ALK: variants seen among roughly 807,000 people sequenced by gnomAD.
ALK encodes ALK tyrosine kinase receptor.
In ALK, 74 loss-of-function variants were observed where a neutral mutation model predicts 163.1. That is an observed-to-expected ratio of 0.45 (90% confidence interval 0.38 to 0.55). The LOEUF (loss-of-function observed/expected upper bound fraction) is 0.55. ALK is among the 20% of genes least tolerant of loss of function. The pLI is 0.00. For synonymous variants in ALK, 960 were observed against 843.2 expected (o/e 1.14, Z -2.40); for missense variants, 2,063 against 2,105.3 (o/e 0.98, Z 0.39).
At chr2:29,698,703 G>C (rs1317568237) in intron 2 of ALK, among the ~76,000 whole-genome samples, 4 of 152,200 alleles carry the variant, frequency 2.6e-5, no homozygotes, top group Non-Finnish European at 5.9e-5. Flanking sequence ...GAGAGTTTAA[G>C]TGTGATAATT....
intron 3 of ALK, among the ~76,000 whole-genome samples, chr2:29,589,733 T>A (rs1362088003): frequency 6.6e-6 from 1 of 152,188 alleles, no homozygotes; most frequent in African/African-American, 2.4e-5. Flanking sequence ...AGTTACACTA[T>A]CCCCATTTTA....
chr2:29,679,793 T>C (rs1039257547), intron 3 of ALK, among the ~76,000 whole-genome samples: 2 of 152,002 alleles, frequency 1.3e-5, no homozygotes, highest in Non-Finnish European at 2.9e-5. Context: ...GTACTCTTCA[T>C]TTCTCCCCGT....
intron 4 of ALK, among the ~76,000 whole-genome samples, chr2:29,402,348 G>A (rs1035116262): frequency 2.6e-5 from 4 of 152,222 alleles, no homozygotes; most frequent in Non-Finnish European, 5.9e-5. Flanking sequence ...GGCCCAGCGT[G>A]AGCAGATGCT....
intron 3 of ALK, among the ~76,000 whole-genome samples, chr2:29,611,242 GGGACA>G (rs1487422736): frequency 6.6e-6 from 1 of 152,140 alleles, no homozygotes; most frequent in Non-Finnish European, 1.5e-5. Context: ...TGGATGGTGT[GGGACA>G]GCACAAAGGG....
In ALK at chr2:29,920,290, A is replaced by G. The variant is rs1364916594; in HGVS notation, c.370T>C (p.Ser124Pro). 2 of 1,574,364 alleles carry G rather than the reference A, an allele frequency of 1.3e-6. No individual in the cohort carries two copies. Reference sequence around the variant, plus strand: ...ACGGAGCCGCCCTTCAGCACCCTGGACAGCGTCCGGGCCTCTGCCGGGGCT... The same window carrying G: ...ACGGAGCCGCCCTTCAGCACCCTGGGCAGCGTCCGGGCCTCTGCCGGGGCT... ...SPAPAEARTL[S>P]RVLKGGSVRK... The change falls in exon 1 of 29, where the codon TCC (serine) becomes CCC (proline). Residue 124 changes from serine to proline, a missense_variant. Physicochemically the swap from Ser to Pro is moderately conservative, Grantham distance 74. This residue lies in a region of ALK where 987 missense variants were observed against 939.5 expected (regional missense o/e 1.05). Transcript: ENST00000389048.
intron 4 of ALK, among the ~76,000 whole-genome samples, chr2:29,522,680 T>A (rs1468249791): frequency 6.6e-6 from 1 of 151,948 alleles, no homozygotes; most frequent in Non-Finnish European, 1.5e-5. Flanking sequence ...GTTTTTGTAG[T>A]GGAAAAGGGG....
At chr2:29,571,617 T>C in intron 3 of ALK, among the ~76,000 whole-genome samples, 1 of 71,204 alleles carries the variant, frequency 1.4e-5, no homozygotes. Context: ...TTTTTTTTTT[T>C]TTTTTTTTTT....
At chr2:29,226,478 CAAAAA>C (rs3028223) in intron 18 of ALK, among the ~76,000 whole-genome samples, 2,747 of 84,912 alleles carry the variant, frequency 0.032, 88 homozygotes, top group African/African-American at 0.11. Flanking sequence ...AACTCCGCCT[CAAAAA>C]AAAAAAAAAA....
At chr2:29,908,309 C>T (rs1667605901) in intron 1 of ALK, among the ~76,000 whole-genome samples, 1 of 139,538 alleles carries the variant, frequency 7.2e-6, no homozygotes, top group Non-Finnish European at 1.6e-5. Flanking sequence ...CACACACACA[C>T]ATTGTCTATC....
intron 1 of ALK, among the ~76,000 whole-genome samples, chr2:29,912,817 T>C (rs1474743214): frequency 6.6e-6 from 1 of 152,178 alleles, no homozygotes; most frequent in Admixed American, 6.5e-5. Flanking sequence ...CCTAATCTAG[T>C]GTTCTCCTCA....
chr2:29,705,797 T>G (rs1281764056), intron 2 of ALK, among the ~76,000 whole-genome samples: 6 of 152,236 alleles, frequency 3.9e-5, no homozygotes, highest in Non-Finnish European at 8.8e-5. Context: ...GCATGGTGAC[T>G]TGCACACAAT....
chr2:29,400,747 G>A (rs143056730), intron 4 of ALK, among the ~76,000 whole-genome samples: 53 of 152,234 alleles, frequency 3.5e-4, no homozygotes, highest in African/African-American at 1.3e-3. Flanking sequence ...TGCTGAGATC[G>A]GCAGATCATC....
chr2:29,243,411 A>G (rs903834733), intron 12 of ALK, among the ~76,000 whole-genome samples: 1 of 152,218 alleles, frequency 6.6e-6, no homozygotes, highest in Non-Finnish European at 1.5e-5. Context: ...GAAGGCTGTT[A>G]TGATAATTAA....
In ALK at chr2:29,494,385, T is replaced by C. The variant is rs554911815; in HGVS notation, c.1154+37530A>G. Among the ~76,000 whole-genome samples, 4 of 152,244 alleles carry C rather than the reference T, an allele frequency of 2.6e-5. No homozygotes were observed. In the East Asian group the frequency reaches 5.8e-4, roughly 22 times the overall value. On this transcript the variant is annotated intron_variant, in intron 4 of 28. Transcript: ENST00000389048. ...GGAGAAATCTGGGATGAGAGGCAGA[T>C]GCTAACACTACAGAGAGCTTGGTGA...
At chr2:29,754,457 T>G (rs867314074) in intron 1 of ALK, among the ~76,000 whole-genome samples, 3 of 152,140 alleles carry the variant, frequency 2.0e-5, no homozygotes, top group Non-Finnish European at 2.9e-5. Context: ...TGACTCAGTC[T>G]CTTCATCTGT....
rs1247530340 is a variant in ALK, at chr2:29,773,842, G to A, written c.668-56145C>T. Among the ~76,000 whole-genome samples the A allele has an allele frequency of 2.6e-5, 4 of 152,218 alleles. No individual in the cohort carries two copies. The East Asian group carries it at 7.7e-4, about 29-fold the overall frequency. On this transcript the variant is annotated intron_variant, in intron 1 of 28. Coordinates refer to ENST00000389048, the MANE Select transcript of ALK (RefSeq NM_004304.5). ...TCGTGAAGGGAACAAGGAGAAGGAA[G>A]AGGATCTCTGAAGACGTCTTTAATG...
chr2:29,424,115 G>A (rs1379946841), intron 4 of ALK, among the ~76,000 whole-genome samples: 1 of 152,214 alleles, frequency 6.6e-6, no homozygotes, highest in Non-Finnish European at 1.5e-5. Flanking sequence ...AAGAGAAAGA[G>A]AGAAAGGTAA....
chr2:29,852,413 TG>T (rs1666021054), intron 1 of ALK, among the ~76,000 whole-genome samples: 2 of 152,186 alleles, frequency 1.3e-5, no homozygotes, highest in South Asian at 4.1e-4. Flanking sequence ...CCTACCAAGA[TG>T]GGCCACACCA....
chr2:29,613,899 A>G (rs189053959), intron 3 of ALK, among the ~76,000 whole-genome samples: 206 of 152,260 alleles, frequency 1.4e-3, no homozygotes, highest in Middle Eastern at 6.8e-3. Context: ...ATCCACTCCC[A>G]GCAAGTCAGG....
Sources: gnomAD v4.1 joint callset for allele counts (sites outside exome capture counted in the v4.1 genomes callset) on GRCh38, gnomAD v4.1.1 for gene constraint, gnomAD v4.1.1 regional missense constraint, MANE v1.5 for transcripts, NCBI Gene and HGNC (gene_info 2026-07-23, HGNC 2026-07-21) for gene names.